CNTNAP2: variants seen among roughly 807,000 people sequenced by gnomAD.
CNTNAP2 encodes the protein contactin-associated protein-like 2.
A neutral mutation model predicts 155.2 loss-of-function variants in CNTNAP2; 98 were observed. That is an observed-to-expected ratio of 0.63 (90% confidence interval 0.54 to 0.75). The LOEUF is 0.75. Among genes scored for constraint, CNTNAP2 ranks in the 30% least tolerant of loss-of-function variants. The probability of loss-of-function intolerance (pLI) is 0.00; values close to 1 mark genes in which losing one functional copy is unlikely to be tolerated. For synonymous variants in CNTNAP2, 651 were observed against 631.2 expected (o/e 1.03, Z -0.47); for missense variants, 1,727 against 1,688.1 (o/e 1.02, Z -0.40).
At chr7:147,499,681 CTAGTT>C (rs1365570592) in intron 11 of CNTNAP2, among the ~76,000 whole-genome samples, 1 of 152,154 alleles carries the variant, frequency 6.6e-6, no homozygotes, top group African/African-American at 2.4e-5. Flanking sequence ...TGGCTACCTA[CTAGTT>C]TTAACCAAAG....
intron 9 of CNTNAP2, among the ~76,000 whole-genome samples, chr7:147,373,771 GT>G (rs1289557259): frequency 6.6e-6 from 1 of 151,668 alleles, no homozygotes; most frequent in East Asian, 1.9e-4. Flanking sequence ...CTTGAGTTCT[GT>G]TTTTTCTGTT....
intron 12 of CNTNAP2, among the ~76,000 whole-genome samples, chr7:147,613,127 G>A (rs181024473): frequency 6.6e-6 from 1 of 152,070 alleles, no homozygotes; most frequent in Non-Finnish European, 1.5e-5. Flanking sequence ...CAGGGTATAG[G>A]TGTTCATATC....
In CNTNAP2 at chr7:148,094,920, CAGAG is replaced by C. The variant is rs748069716; in HGVS notation, c.2384-23194_2384-23191del. Among the ~76,000 whole-genome samples the C allele has an allele frequency of 3.3e-5, 5 of 152,236 alleles. 1 individual carries two copies. Among genetic ancestry groups the C allele is most frequent in the African/African-American group, 7.2e-5 (3 of 41,532 alleles). ...TGAGATCACATAGATAAATGATACACAGAGAGAAGAGCACAGTGGCATAGTGGAG... is the reference window on the plus strand; with the variant it reads ...TGAGATCACATAGATAAATGATACACAGAAGAGCACAGTGGCATAGTGGAG... On this transcript the variant is annotated intron_variant, in intron 15 of 23. Transcript: ENST00000361727.
At chr7:147,515,791 A>AT (rs911833571) in intron 11 of CNTNAP2, among the ~76,000 whole-genome samples, 3 of 152,276 alleles carry the variant, frequency 2.0e-5, no homozygotes, top group East Asian at 1.9e-4. Flanking sequence ...CACAATAAAT[A>AT]TTTTTTGGAT....
At chr7:146,973,806 G>T (rs1370947946) in intron 3 of CNTNAP2, among the ~76,000 whole-genome samples, 4 of 152,122 alleles carry the variant, frequency 2.6e-5, no homozygotes, top group African/African-American at 2.4e-5. Flanking sequence ...TGAAGTTTCT[G>T]TGTGATTAGT....
At chr7:147,201,076 A>AAAG (rs1159298805) in intron 8 of CNTNAP2, among the ~76,000 whole-genome samples, 2 of 152,226 alleles carry the variant, frequency 1.3e-5, no homozygotes, top group African/African-American at 2.4e-5. Flanking sequence ...AGTGGAGGCT[A>AAAG]AAGCCTAATT....
At chr7:146,801,776 A>C (rs556962110) in intron 2 of CNTNAP2, among the ~76,000 whole-genome samples, 1 of 152,318 alleles carries the variant, frequency 6.6e-6, no homozygotes. Flanking sequence ...AAAGTGAGAA[A>C]GCTCTTTTAT....
chr7:147,494,861 T>G (rs550724326), intron 11 of CNTNAP2, among the ~76,000 whole-genome samples: 12 of 152,198 alleles, frequency 7.9e-5, no homozygotes, highest in Non-Finnish European at 1.5e-4. Flanking sequence ...TTAACTTCTC[T>G]GAAACCAAAC....
intron 2 of CNTNAP2, among the ~76,000 whole-genome samples, chr7:146,796,117 A>G (rs535439957): frequency 5.9e-5 from 9 of 152,322 alleles, no homozygotes; most frequent in African/African-American, 1.9e-4. Context: ...ATATATGCAT[A>G]TATGATAAAA....
chr7:147,502,853 G>C (rs901485627), intron 11 of CNTNAP2, among the ~76,000 whole-genome samples: 1 of 151,940 alleles, frequency 6.6e-6, no homozygotes, highest in Non-Finnish European at 1.5e-5. Flanking sequence ...AAAGTAGCAG[G>C]AAAAGTAGGC....
chr7:147,512,937 T>G (rs1365343773), intron 11 of CNTNAP2, among the ~76,000 whole-genome samples: 1 of 152,092 alleles, frequency 6.6e-6, no homozygotes, highest in African/African-American at 2.4e-5. Flanking sequence ...GCTATGTTGT[T>G]TGACAGAGAA....
At chr7:148,001,230 A>C (rs1801890982) in intron 15 of CNTNAP2, among the ~76,000 whole-genome samples, 1 of 152,236 alleles carries the variant, frequency 6.6e-6, no homozygotes, top group South Asian at 2.1e-4. Context: ...TACCTAGTTC[A>C]AAAGAGAACA....
intron 14 of CNTNAP2, among the ~76,000 whole-genome samples, chr7:147,932,098 C>T (rs1800516938): frequency 6.6e-6 from 1 of 152,094 alleles, no homozygotes; most frequent in Admixed American, 6.6e-5. Flanking sequence ...ATTGCCCAGG[C>T]TGATCTCAAA....
At chr7:146,283,860 G>A (rs780092938) in intron 1 of CNTNAP2, among the ~76,000 whole-genome samples, 1 of 151,926 alleles carries the variant, frequency 6.6e-6, no homozygotes, top group African/African-American at 2.4e-5. Context: ...TGTCTTCTAC[G>A]TCTTCTAAAA....
intron 8 of CNTNAP2, among the ~76,000 whole-genome samples, chr7:147,296,119 G>T (rs1002129212): frequency 1.3e-5 from 2 of 152,122 alleles, no homozygotes; most frequent in African/African-American, 4.8e-5. Flanking sequence ...TTTTATAAGG[G>T]TCTATCTCTG....
chr7:147,798,808 T>G (rs1394351607), intron 13 of CNTNAP2, among the ~76,000 whole-genome samples: 4 of 152,168 alleles, frequency 2.6e-5, no homozygotes, highest in Non-Finnish European at 5.9e-5. Context: ...GAGTCGATTT[T>G]GGGGGAAGGA....
At chr7:147,567,354 G>C (rs1286106737) in intron 12 of CNTNAP2, among the ~76,000 whole-genome samples, 2 of 152,158 alleles carry the variant, frequency 1.3e-5, no homozygotes, top group Non-Finnish European at 2.9e-5. Flanking sequence ...TTGAAAGTTT[G>C]TCCTGAGGTG....
At chr7:147,536,288 T>C (rs1020999027) in intron 11 of CNTNAP2, among the ~76,000 whole-genome samples, 132 of 152,360 alleles carry the variant, frequency 8.7e-4, no homozygotes, top group African/African-American at 3.0e-3. Flanking sequence ...TGAGCATCTA[T>C]CACGCACAGG....
At chr7:147,428,317 A>C (rs747320775) in intron 10 of CNTNAP2, among the ~76,000 whole-genome samples, 1 of 152,046 alleles carries the variant, frequency 6.6e-6, no homozygotes, top group Non-Finnish European at 1.5e-5. Context: ...CTAACTTTGC[A>C]GCCTTTTTTT....
Sources: allele counts gnomAD v4.1 joint callset (sites outside exome capture counted in the v4.1 genomes callset), GRCh38; gene constraint gnomAD v4.1.1; transcripts MANE v1.5; gene names NCBI Gene and HGNC (gene_info 2026-07-23, HGNC 2026-07-21).